The following MYO3A variants were observed in gnomAD, a reference collection of about 807,000 sequenced individuals.
MYO3A encodes myosin IIIA.
MYO3A carries 180 observed loss-of-function variants against 192.7 expected under a neutral mutation model. The ratio of observed to expected loss-of-function variants is 0.93; its 90% CI spans 0.83 to 1.06. MYO3A has a LOEUF of 1.06. Ranked by LOEUF, MYO3A falls within the 50% of genes least tolerant of loss-of-function variation. MYO3A has a pLI of 0.00. For synonymous variants in MYO3A, 628 were observed against 645.3 expected (o/e 0.97, Z 0.41); for missense variants, 1,896 against 1,905.0 (o/e 1.00, Z 0.09).
chr10:26,082,696 G>T (rs12247598), intron 14 of MYO3A, among the ~76,000 whole-genome samples: 8 of 151,924 alleles, frequency 5.3e-5, no homozygotes, highest in African/African-American at 1.9e-4. Context: ...TAAAAATAAA[G>T]TATAACACTA....
chr10:26,026,968 G>A (rs1001564876), intron 10 of MYO3A, among the ~76,000 whole-genome samples: 9 of 152,178 alleles, frequency 5.9e-5, no homozygotes, highest in African/African-American at 1.2e-4. Context: ...CCAAAGTGCT[G>A]GCATTACAGG....
intron 34 of MYO3A, 101 bp from the exon 35 acceptor site, chr10:26,211,742 G>A: frequency 1.3e-6 from 2 of 1,561,962 alleles, no homozygotes; most frequent in Non-Finnish European, 8.7e-7. Context: ...TCCGCGGTTG[G>A]CAGAACGTGG....
At chr10:26,102,891 A>G (rs1837555940) in intron 17 of MYO3A, among the ~76,000 whole-genome samples, 1 of 152,186 alleles carries the variant, frequency 6.6e-6, no homozygotes, top group South Asian at 2.1e-4. Context: ...TCAGATCTCA[A>G]ACTCCGTGCT....
intron 4 of MYO3A, among the ~76,000 whole-genome samples, chr10:25,983,421 A>G (rs2130808405): frequency 6.6e-6 from 1 of 151,944 alleles, no homozygotes; most frequent in Non-Finnish European, 1.5e-5. Flanking sequence ...ACGCCCAGCT[A>G]ATTTTTTTTG....
At chr10:26,183,083 AT>A (rs964400655) in intron 31 of MYO3A, among the ~76,000 whole-genome samples, 5 of 152,126 alleles carry the variant, frequency 3.3e-5, no homozygotes, top group African/African-American at 1.2e-4. Context: ...TGTAGCGATA[AT>A]GTGCAAGAGA....
intron 17 of MYO3A, among the ~76,000 whole-genome samples, chr10:26,109,394 C>T (rs1838019783): frequency 6.6e-6 from 1 of 152,186 alleles, no homozygotes; most frequent in Non-Finnish European, 1.5e-5. Flanking sequence ...TTTTAAATAG[C>T]ATGCTGTGCT....
At chr10:26,118,936 G>A (rs529800195) in intron 17 of MYO3A, among the ~76,000 whole-genome samples, 7 of 152,172 alleles carry the variant, frequency 4.6e-5, no homozygotes, top group Non-Finnish European at 1.0e-4. Context: ...CCAGCTCCAA[G>A]CTCTTTCTGT....
At chr10:26,025,890 T>G (rs1842517106) in intron 9 of MYO3A, among the ~76,000 whole-genome samples, 1 of 152,242 alleles carries the variant, frequency 6.6e-6, no homozygotes, top group Non-Finnish European at 1.5e-5. Flanking sequence ...CTGAGTGGCC[T>G]TCTCAAATGG....
intron 10 of MYO3A, among the ~76,000 whole-genome samples, chr10:26,061,453 G>A (rs1310075079): frequency 7.9e-6 from 1 of 126,836 alleles, no homozygotes; most frequent in African/African-American, 2.7e-5. Flanking sequence ...GAATTTTGCT[G>A]AGCATGGAAG....
At chr10:25,938,347 A>G (rs995552977) in intron 2 of MYO3A, among the ~76,000 whole-genome samples, 1 of 152,346 alleles carries the variant, frequency 6.6e-6, no homozygotes, top group East Asian at 1.9e-4. Context: ...GGCTGAAGTC[A>G]CTGAGAGTGG....
At chr10:26,019,492 A>T (rs1178519690) in intron 7 of MYO3A, among the ~76,000 whole-genome samples, 1 of 151,998 alleles carries the variant, frequency 6.6e-6, no homozygotes, top group Non-Finnish European at 1.5e-5. Context: ...AATTTTTTAT[A>T]TTTTTAGTAG....
intron 14 of MYO3A, among the ~76,000 whole-genome samples, chr10:26,086,123 G>A (rs556443379): frequency 1.3e-3 from 205 of 152,236 alleles, no homozygotes; most frequent in Admixed American, 2.4e-3. Context: ...GAAAAGAAGT[G>A]TAATTGACTC....
intron 6 of MYO3A, 139 bp from the exon 7 acceptor site, chr10:26,016,681 C>T (rs1196073105): frequency 1.3e-6 from 1 of 795,588 alleles, no homozygotes; most frequent in Admixed American, 2.0e-5. Flanking sequence ...GATTTAGGAT[C>T]CTTTAATGTG....
At chr10:25,955,242 A>C (rs903472782) in intron 4 of MYO3A, among the ~76,000 whole-genome samples, 3 of 152,162 alleles carry the variant, frequency 2.0e-5, no homozygotes, top group African/African-American at 4.8e-5. Context: ...ATAAAAGACC[A>C]AATAAACTGA....
chr10:26,070,202 A>T lies in MYO3A; in HGVS notation c.1262A>T (p.Tyr421Phe), dbSNP rs2131387885. 6.2e-7 allele frequency: 1 copy of T among 1,609,254 alleles called. No homozygotes were observed. The highest frequency in any genetic ancestry group is 1.7e-4 in the Middle Eastern group (1 of 6,046). Residue 421 changes from tyrosine (Y) to phenylalanine (F), a missense_variant, in exon 13 of 35, where the codon TAT (tyrosine) becomes TTT (phenylalanine). Tyr to Phe is a conservative substitution (Grantham distance 22, BLOSUM62 3). Coordinates refer to ENST00000642920, the MANE Select transcript of MYO3A (RefSeq NM_017433.5). ...ADLGYQSMITYNSDQCIVISG... is the reference protein window; with the variant it reads ...ADLGYQSMITFNSDQCIVISG... ...TTAGGATATCAATCTATGATAACAT[A>T]TAATTCAGATCAGGTAAGAAGAGTC...
rs903049224 is a variant in MYO3A at position 26,094,455 on chromosome 10, C to T, written c.1563-1926C>T. Reference sequence around the variant, plus strand: ...TTTTTTTTTTTTTGAGATGGAGTCTCGCTCTGTTGCCCAGGCTGGAGTGCA... The same window carrying T: ...TTTTTTTTTTTTTGAGATGGAGTCTTGCTCTGTTGCCCAGGCTGGAGTGCA... On this transcript the variant is annotated intron_variant, in intron 15 of 34. Transcript: ENST00000642920. Among the ~76,000 whole-genome samples, 25 of 122,102 alleles carry T rather than the reference C, an allele frequency of 2.0e-4. 1 individual carries two copies. Among genetic ancestry groups the T allele is most frequent in the Middle Eastern group, 0.019 (2 of 108 alleles). 80.1% of individuals were successfully genotyped at this position (122,102 alleles called of 152,430 possible). A position where few individuals can be genotyped will look rare whatever the true frequency, so the allele number is the denominator to read the frequency against.
rs1834368668 is a variant in MYO3A at position 26,060,186 on chromosome 10, G to A, written c.954-6789G>A. Among the ~76,000 whole-genome samples the A allele has an allele frequency of 5.9e-5, 9 of 151,634 alleles. No individual in the cohort carries two copies. In the South Asian group the frequency reaches 1.9e-3, roughly 32 times the overall value. ...AGGCAGGAGAATCACTTGAACCCGG[G>A]AGGCAGAGGTTGTGGTGAGCGAAGA... On this transcript the variant is annotated intron_variant, in intron 10 of 34. Transcript: ENST00000642920.
chr10:26,090,463 A>T (rs1836632253), intron 15 of MYO3A, among the ~76,000 whole-genome samples: 1 of 152,246 alleles, frequency 6.6e-6, no homozygotes, highest in Non-Finnish European at 1.5e-5. Flanking sequence ...TTCTAATTTT[A>T]CAAGTTTGCT....
intron 10 of MYO3A, among the ~76,000 whole-genome samples, chr10:26,035,662 C>A (rs1842992052): frequency 6.6e-6 from 1 of 152,148 alleles, no homozygotes; most frequent in African/African-American, 2.4e-5. Flanking sequence ...GAAATTGAAT[C>A]CTGCCTTCTG....
Sources: gnomAD v4.1 joint callset for allele counts (sites outside exome capture counted in the v4.1 genomes callset) on GRCh38, gnomAD v4.1.1 for gene constraint, MANE v1.5 for transcripts, NCBI Gene and HGNC (gene_info 2026-07-23, HGNC 2026-07-21) for gene names.